Variants in PCTP observed in about 807,000 individuals in gnomAD.
The protein encoded by PCTP is START domain-containing protein 2.
Under a neutral mutation model 31.0 loss-of-function variants are expected in PCTP, and 27 were observed. The ratio of observed to expected loss-of-function variants is 0.87; its 90% confidence interval spans 0.64 to 1.20. PCTP has a LOEUF of 1.20. Ranked by LOEUF, PCTP falls within the 50% of genes most tolerant of loss-of-function variation. The pLI is 0.00. For synonymous variants in PCTP, 108 were observed against 101.2 expected, an observed-to-expected ratio of 1.07 and a Z score of -0.40; for missense variants, 287 against 268.2, an observed-to-expected ratio of 1.07 and a Z score of -0.49.
At chr17:55,760,378 C>T (rs201601844) in intron 1 of PCTP, among the ~76,000 whole-genome samples, 2 of 152,178 alleles carry the variant, frequency 1.3e-5, no homozygotes, top group East Asian at 3.9e-4. Flanking sequence ...CTAATATTTA[C>T]TAAGTACTTA....
intron 3 of PCTP, among the ~76,000 whole-genome samples, chr17:55,816,955 A>G (rs995158666): frequency 6.6e-6 from 1 of 152,198 alleles, no homozygotes; most frequent in East Asian, 1.9e-4. Context: ...TTTAACCTCA[A>G]ATGAACTCCC....
At chr17:55,842,391 T>C (rs928685241) in intron 5 of PCTP, among the ~76,000 whole-genome samples, 1 of 152,232 alleles carries the variant, frequency 6.6e-6, no homozygotes, top group African/African-American at 2.4e-5. Flanking sequence ...TTATTTTCAC[T>C]GAGATGTTGG....
At chr17:55,759,832 A>T (rs946236651) in intron 1 of PCTP, among the ~76,000 whole-genome samples, 15 of 152,198 alleles carry the variant, frequency 9.9e-5, no homozygotes, top group African/African-American at 2.9e-4. Context: ...TGGGGATTGC[A>T]AGTGTCATTT....
At chr17:55,751,455 A>G in intron 1 of PCTP, 1 of 1,532,730 alleles carries the variant, frequency 6.5e-7, no homozygotes, top group Non-Finnish European at 8.7e-7. Context: ...GGGAGTTGGA[A>G]GGTCACAGGA....
At chr17:55,800,934 G>T (rs1912355018) in intron 3 of PCTP, among the ~76,000 whole-genome samples, 2 of 152,038 alleles carry the variant, frequency 1.3e-5, no homozygotes, top group African/African-American at 4.8e-5. Context: ...GACCCTGTTT[G>T]CCTGGGTATC....
intron 2 of PCTP, among the ~76,000 whole-genome samples, chr17:55,784,394 C>A (rs1038565227): frequency 2.4e-4 from 37 of 152,054 alleles, no homozygotes; most frequent in African/African-American, 8.9e-4. Flanking sequence ...TTTTTGTTGT[C>A]CCTGGCTTTT....
intron 3 of PCTP, among the ~76,000 whole-genome samples, chr17:55,771,545 G>T (rs1911006317): frequency 6.6e-6 from 1 of 152,144 alleles, no homozygotes; most frequent in African/African-American, 2.4e-5. Context: ...GAAGGAAAAA[G>T]GGCTCCCAAA....
chr17:55,774,028 C>T (rs1298910293), intron 4 of PCTP, 133 bp downstream of exon 4: 1 of 1,054,562 alleles, frequency 9.5e-7, no homozygotes, highest in Non-Finnish European at 1.3e-6. Context: ...GCAGAGCAAA[C>T]CAGGATCAGC....
chr17:55,777,960 G>A (rs971244374), downstream of PCTP, among the ~76,000 whole-genome samples: 22 of 152,106 alleles, frequency 1.4e-4, no homozygotes, highest in African/African-American at 5.3e-4. Flanking sequence ...AAAGAGAATT[G>A]GCATGAAATG....
downstream of PCTP, among the ~76,000 whole-genome samples, chr17:55,827,302 GAGGGA>G (rs1266820068): frequency 2.0e-5 from 3 of 152,140 alleles, no homozygotes; most frequent in Non-Finnish European, 4.4e-5. Context: ...GCTGGATAAG[GAGGGA>G]CATGAGGTCA....
At chr17:55,816,552 A>G (rs1912923375) in intron 3 of PCTP, among the ~76,000 whole-genome samples, 1 of 152,268 alleles carries the variant, frequency 6.6e-6, no homozygotes, top group African/African-American at 2.4e-5. Flanking sequence ...CTCATATGCC[A>G]TTACCCATGG....
intron 3 of PCTP, among the ~76,000 whole-genome samples, chr17:55,789,832 C>T (rs561130210): frequency 3.6e-4 from 55 of 152,254 alleles, no homozygotes; most frequent in African/African-American, 1.2e-3. Context: ...ATACCAAAAC[C>T]GGGCAGAGAC....
chr17:55,795,061 C>T (rs1407093757), intron 3 of PCTP, among the ~76,000 whole-genome samples: 1 of 152,030 alleles, frequency 6.6e-6, no homozygotes, highest in East Asian at 1.9e-4. Context: ...CATACACACA[C>T]TAACCCTCCT....
At chr17:55,798,679 T>C (rs1033162210) in intron 3 of PCTP, among the ~76,000 whole-genome samples, 2 of 151,786 alleles carry the variant, frequency 1.3e-5, no homozygotes, top group Non-Finnish European at 2.9e-5. Flanking sequence ...ATTTAGAAAA[T>C]GCAAACTGAG....
chr17:55,797,301 G>T (rs1369911223), intron 3 of PCTP, among the ~76,000 whole-genome samples: 1 of 152,000 alleles, frequency 6.6e-6, no homozygotes, highest in Admixed American at 6.6e-5. Context: ...GGGCTAAAAG[G>T]AGAGGTGCAG....
chr17:55,775,865 A>T, intron 5 of PCTP, 170 bp from the exon 6 acceptor site: 1 of 1,366,892 alleles, frequency 7.3e-7, no homozygotes, highest in East Asian at 2.8e-5. Context: ...TTTTGTCCTC[A>T]GTCCTACTTT....
At position 55,775,502 on chromosome 17, in the gene PCTP, T is replaced by C. The variant is rs1597989771; in HGVS notation, c.580-533T>C. Reference sequence around the variant, plus strand: ...AATCCTGGCTCTGCTACTGACTGTCTTGTTTTATTTAAGGAAGCCATGCAT... The same window carrying C: ...AATCCTGGCTCTGCTACTGACTGTCCTGTTTTATTTAAGGAAGCCATGCAT... On this transcript the variant is annotated intron_variant, in intron 5 of 5. Coordinates refer to ENST00000268896, the MANE Select transcript of PCTP (RefSeq NM_021213.4). The C allele has an allele frequency of 1.3e-5, 15 of 1,196,152 alleles. No homozygotes were observed. In the East Asian group the frequency reaches 4.8e-4, roughly 38 times the overall value. The allele number at this position is 1,196,152 out of a possible 1,614,324, so 74.1% of individuals were successfully genotyped here.
intron 5 of PCTP, among the ~76,000 whole-genome samples, chr17:55,834,196 A>AT (rs1259176223): frequency 1.3e-5 from 2 of 151,950 alleles, no homozygotes; most frequent in Non-Finnish European, 1.5e-5. Flanking sequence ...AAAAATTATT[A>AT]TTTTTTTAAA....
intron 3 of PCTP, among the ~76,000 whole-genome samples, chr17:55,789,220 G>C (rs2145001234): frequency 6.6e-6 from 1 of 152,168 alleles, no homozygotes; most frequent in East Asian, 1.9e-4. Flanking sequence ...TTACAAATCA[G>C]AATTAAGTGG....
Sources: gnomAD v4.1 joint callset for allele counts (sites outside exome capture counted in the v4.1 genomes callset) on GRCh38, gnomAD v4.1.1 for gene constraint, MANE v1.5 for transcripts, NCBI Gene and HGNC (gene_info 2026-07-23, HGNC 2026-07-21) for gene names.